ETV6: variants seen among roughly 807,000 people sequenced by gnomAD.
The protein encoded by ETV6 is transcription factor ETV6.
In ETV6, 16 loss-of-function variants were observed where a neutral mutation model predicts 51.1. The observed-to-expected ratio is 0.31, with a 90% CI of 0.21 to 0.48. The LOEUF (loss-of-function observed/expected upper bound fraction) is 0.48. Among genes scored for constraint, ETV6 ranks in the 20% least tolerant of loss-of-function variants. ETV6 has a pLI of 0.99. For missense variants in ETV6, 458 were observed against 594.8 expected (o/e 0.77, Z 2.39); for synonymous variants, 240 against 224.1 (o/e 1.07, Z -0.64).
chr12:11,842,868 C>A lies in ETV6; in HGVS notation c.328+3564C>A, dbSNP rs572618129. On this transcript the variant is annotated intron_variant, in intron 3 of 7. Coordinates refer to ENST00000396373, the MANE Select transcript of ETV6 (RefSeq NM_001987.5). ...TAATACTCAGGCACAAAGTGGCTAG[C>A]TAAGATGGGGAGCTGACTTGGAAGT... 5.6e-3 allele frequency among the ~76,000 whole-genome samples: 845 copies of A among 151,940 alleles called. 5 individuals are homozygous for A. Among genetic ancestry groups the A allele is most frequent in the Non-Finnish European group, 9.4e-3 (638 of 68,000 alleles).
At chr12:11,774,943 T>TTGC (rs1382518188) in intron 2 of ETV6, among the ~76,000 whole-genome samples, 1 of 152,188 alleles carries the variant, frequency 6.6e-6, no homozygotes, top group African/African-American at 2.4e-5. Flanking sequence ...GACCTTCCTC[T>TTGC]TGCTATGTGT....
rs182620920 is a variant in ETV6 at position 11,650,054 on chromosome 12, G to A, written c.-74G>A. The A allele has an allele frequency of 6.6e-6, 9 of 1,364,898 alleles. No individual in the cohort carries two copies. The highest frequency in any genetic ancestry group is 8.4e-6 in the Non-Finnish European group (8 of 954,050). The allele number at this position is 1,364,898 out of a possible 1,614,324, so 84.5% of individuals were successfully genotyped here. ...ATGACCGCGTCTGGCTGGCCGTGGA[G>A]CCTTTCTGGGTTGGGGAGAGGAAAG... On this transcript the variant is annotated 5_prime_UTR_variant, in exon 1 of 8. Coordinates refer to ENST00000396373, the MANE Select transcript of ETV6 (RefSeq NM_001987.5).
At chr12:11,758,450 G>A (rs1945036989) in intron 2 of ETV6, among the ~76,000 whole-genome samples, 1 of 152,032 alleles carries the variant, frequency 6.6e-6, no homozygotes, top group Admixed American at 6.6e-5. Context: ...AAGGACCTAG[G>A]GTTCTGTCTG....
At chr12:11,808,043 A>G (rs894522072) in intron 2 of ETV6, among the ~76,000 whole-genome samples, 61 of 152,226 alleles carry the variant, frequency 4.0e-4, no homozygotes, top group African/African-American at 1.4e-3. Flanking sequence ...ATAAAAAAGA[A>G]ACATAAAATT....
intron 2 of ETV6, among the ~76,000 whole-genome samples, chr12:11,779,008 C>T (rs1003290907): frequency 6.6e-6 from 1 of 152,208 alleles, no homozygotes; most frequent in Non-Finnish European, 1.5e-5. Context: ...TAAGTAGATA[C>T]TAGCGTGGCT....
intron 7 of ETV6, among the ~76,000 whole-genome samples, chr12:11,888,146 C>T (rs561588821): frequency 6.6e-6 from 1 of 152,338 alleles, no homozygotes; most frequent in South Asian, 2.1e-4. Context: ...GTCCACTCTG[C>T]TGCCTCCTGA....
intron 3 of ETV6, chr12:11,840,805 T>G (rs1358788502): frequency 7.5e-6 from 2 of 266,460 alleles, no homozygotes; most frequent in Non-Finnish European, 7.5e-6. Flanking sequence ...TCATCAATTC[T>G]GTATGTAATC....
intron 2 of ETV6, among the ~76,000 whole-genome samples, chr12:11,755,369 T>C (rs1057201486): frequency 6.6e-6 from 1 of 152,240 alleles, no homozygotes; most frequent in African/African-American, 2.4e-5. Context: ...GCCTACTCTA[T>C]GGCAGTCTAA....
intron 1 of ETV6, among the ~76,000 whole-genome samples, chr12:11,690,572 C>A (rs139336111): frequency 2.6e-5 from 4 of 152,020 alleles, no homozygotes; most frequent in African/African-American, 9.7e-5. Flanking sequence ...GCCAGGACAA[C>A]GGAGCAAGAC....
At chr12:11,832,012 G>A (rs1408901693) in intron 2 of ETV6, among the ~76,000 whole-genome samples, 5 of 152,108 alleles carry the variant, frequency 3.3e-5, no homozygotes, top group African/African-American at 1.2e-4. Flanking sequence ...AATGAGCTCC[G>A]ATTTTTAAAA....
At position 11,678,566 on chromosome 12, in the gene ETV6, C is replaced by G. The variant is rs1042844726; in HGVS notation, c.33+28406C>G. On this transcript the variant is annotated intron_variant, in intron 1 of 7. Transcript: ENST00000396373. ...TCTGCTCCGATTATATCCCTTTTTT[C>G]TGCTGTTCATACAATTTCAAGAATT... is the stretch of plus-strand genomic sequence containing the variant. 2.6e-5 allele frequency among the ~76,000 whole-genome samples: 4 copies of G among 152,118 alleles called. No individual in the cohort carries two copies. In the East Asian group the frequency reaches 7.7e-4, roughly 29 times the overall value.
In ETV6 at chr12:11,892,240, CTAACCTTTTT is replaced by C. The variant is rs1307557367; in HGVS notation, c.*1198_*1207del. 5.4e-6 allele frequency: 1 copy of C among 185,138 alleles called. No homozygotes were observed. The highest frequency in any genetic ancestry group is 3.5e-5 in the African/African-American group (1 of 28,538). The allele number at this position is 185,138 out of a possible 1,614,324, so 11.5% of individuals were successfully genotyped here. ...TTTTTTTTTTTTTTTTTTTCAATTC[CTAACCTTTTT>C]TAAAGTTTCCTGGTCTCCACTGGAC... On this transcript the variant is annotated 3_prime_UTR_variant, in exon 8 of 8. Transcript: ENST00000396373.
intron 1 of ETV6, among the ~76,000 whole-genome samples, chr12:11,697,083 A>G (rs901742294): frequency 6.6e-6 from 1 of 152,236 alleles, no homozygotes; most frequent in African/African-American, 2.4e-5. Flanking sequence ...CCTAAGCTGC[A>G]ATCAGTGAAT....
intron 2 of ETV6, among the ~76,000 whole-genome samples, chr12:11,812,380 G>T (rs1050833492): frequency 6.6e-6 from 1 of 152,128 alleles, no homozygotes; most frequent in African/African-American, 2.4e-5. Context: ...CTTGGGGAAG[G>T]ATATGGGAAT....
chr12:11,836,439 C>T (rs190259041), intron 2 of ETV6, among the ~76,000 whole-genome samples: 1 of 152,294 alleles, frequency 6.6e-6, no homozygotes, highest in Non-Finnish European at 1.5e-5. Context: ...CTGTAACTTG[C>T]TGGGTTCCTC....
intron 1 of ETV6, among the ~76,000 whole-genome samples, chr12:11,732,916 T>TA (rs1484900764): frequency 6.6e-6 from 1 of 152,242 alleles, no homozygotes; most frequent in Admixed American, 6.5e-5. Context: ...CTTTCATTCT[T>TA]ACTCCTCATT....
At chr12:11,851,672 G>A (rs1325404220) in intron 3 of ETV6, among the ~76,000 whole-genome samples, 1 of 152,178 alleles carries the variant, frequency 6.6e-6, no homozygotes, top group African/African-American at 2.4e-5. Flanking sequence ...CATGGTGTCT[G>A]CAGCTCTTTG....
chr12:11,846,352 T>A (rs919514156), intron 3 of ETV6, among the ~76,000 whole-genome samples: 4 of 152,156 alleles, frequency 2.6e-5, no homozygotes, highest in African/African-American at 7.2e-5. Flanking sequence ...GATATGTACA[T>A]AGCAAATCAT....
chr12:11,653,763 C>T (rs1863949579), intron 1 of ETV6, among the ~76,000 whole-genome samples: 1 of 152,056 alleles, frequency 6.6e-6, no homozygotes. Context: ...TAGAGCACTC[C>T]TGGGGGGTCT....
Sources: allele counts gnomAD v4.1 joint callset (sites outside exome capture counted in the v4.1 genomes callset), GRCh38; gene constraint gnomAD v4.1.1; transcripts MANE v1.5; gene names NCBI Gene and HGNC (gene_info 2026-07-23, HGNC 2026-07-21).